The following TPD52L1 variants were observed in gnomAD, a reference collection of about 807,000 sequenced individuals.
TPD52L1 encodes the protein tumor protein D53.
A neutral mutation model predicts 28.7 loss-of-function variants in TPD52L1; 18 were observed. That is an observed-to-expected ratio of 0.63 (90% CI 0.43 to 0.93). The LOEUF (loss-of-function observed/expected upper bound fraction) is 0.93. Ranked by LOEUF, TPD52L1 falls within the 40% of genes least tolerant of loss-of-function variation. The pLI, the probability that TPD52L1 is intolerant of heterozygous loss-of-function variation, is 0.00. For synonymous variants in TPD52L1, 75 were observed against 88.8 expected, an observed-to-expected ratio of 0.84 and a Z score of 0.88; for missense variants, 203 against 254.8, an observed-to-expected ratio of 0.80 and a Z score of 1.39.
intron 1 of TPD52L1, among the ~76,000 whole-genome samples, chr6:125,183,409 G>A (rs1333225123): frequency 6.6e-6 from 1 of 152,182 alleles, no homozygotes; most frequent in Non-Finnish European, 1.5e-5. Flanking sequence ...AACCCAGGAG[G>A]CGGAGGTTGC....
intron 4 of TPD52L1, chr6:125,252,033 T>C (rs987510222): frequency 1.3e-6 from 2 of 1,535,982 alleles, no homozygotes; most frequent in South Asian, 1.2e-5. Flanking sequence ...TCTCACTCCA[T>C]CGGGTAAGCG....
chr6:125,254,047 C>T (rs1167441821), intron 5 of TPD52L1, among the ~76,000 whole-genome samples: 2 of 152,190 alleles, frequency 1.3e-5, no homozygotes, highest in African/African-American at 4.8e-5. Context: ...GTTTGTGAGG[C>T]ATAAACAAAG....
At chr6:125,250,602 C>T (rs1019945443) in intron 4 of TPD52L1, among the ~76,000 whole-genome samples, 6 of 152,180 alleles carry the variant, frequency 3.9e-5, no homozygotes, top group African/African-American at 1.4e-4. Context: ...AACAGGAGCC[C>T]ACTGTATTTC....
intron 3 of TPD52L1, chr6:125,231,297 G>A (rs1795932745): frequency 6.6e-6 from 1 of 152,284 alleles, no homozygotes; most frequent in African/African-American, 2.4e-5. Flanking sequence ...AAGGAGAGAG[G>A]TGCCTGGCAG....
intron 4 of TPD52L1, among the ~76,000 whole-genome samples, chr6:125,250,847 T>C (rs1797223301): frequency 6.6e-6 from 1 of 152,216 alleles, no homozygotes; most frequent in Admixed American, 6.5e-5. Context: ...ACATTTTCAT[T>C]ATAAACTGTG....
chr6:125,158,252 T>A (rs1485153253), intron 1 of TPD52L1, among the ~76,000 whole-genome samples: 1 of 152,196 alleles, frequency 6.6e-6, no homozygotes, highest in African/African-American at 2.4e-5. Context: ...ATAATAACTA[T>A]TTTTTATATC....
chr6:125,228,004 A>G (rs1795715942), intron 2 of TPD52L1, among the ~76,000 whole-genome samples: 1 of 152,228 alleles, frequency 6.6e-6, no homozygotes, highest in South Asian at 2.1e-4. Flanking sequence ...ACTTTGGCAT[A>G]TTCATTCAAT....
At chr6:125,185,913 A>ATTTTTTTTTTT in intron 1 of TPD52L1, among the ~76,000 whole-genome samples, 1 of 47,328 alleles carries the variant, frequency 2.1e-5, no homozygotes. Context: ...TTTTTTTTTG[A>ATTTTTTTTTTT]GACAGAGTCT....
At chr6:125,238,720 A>C (rs771743037) in intron 3 of TPD52L1, among the ~76,000 whole-genome samples, 3 of 152,226 alleles carry the variant, frequency 2.0e-5, no homozygotes, top group Admixed American at 6.5e-5. Flanking sequence ...GTAGGAATAT[A>C]TATTAACTAG....
rs190159473 is a variant in TPD52L1 at position 125,246,121 on chromosome 6, G to A, written c.285-2161G>A. Reference sequence around the variant, plus strand: ...CTAGAGAAACTGGGAGTGCCTATAAGGCTTTTCCCATTGCTGCTACTATTG... The same window carrying A: ...CTAGAGAAACTGGGAGTGCCTATAAAGCTTTTCCCATTGCTGCTACTATTG... On this transcript the variant is annotated intron_variant, in intron 3 of 6. Transcript: ENST00000534000. Among the ~76,000 whole-genome samples the A allele has an allele frequency of 5.8e-3, 887 of 152,280 alleles. 5 individuals carry two copies. The highest frequency in any genetic ancestry group is 0.014 in the Middle Eastern group (4 of 294).
chr6:125,158,657 G>A (rs9321023), intron 1 of TPD52L1, among the ~76,000 whole-genome samples: 8,448 of 152,174 alleles, frequency 0.056, 325 homozygotes, highest in African/African-American at 0.11. Flanking sequence ...TTGCATGGAA[G>A]ATAAATTCTT....
At chr6:125,194,030 T>G (rs925792891) in intron 1 of TPD52L1, among the ~76,000 whole-genome samples, 5 of 151,440 alleles carry the variant, frequency 3.3e-5, no homozygotes, top group African/African-American at 7.3e-5. Context: ...ATAGTTTTTT[T>G]TTTTTTTTTT....
intron 6 of TPD52L1, chr6:125,261,737 G>T (rs756250851): frequency 2.6e-5 from 4 of 151,548 alleles, no homozygotes; most frequent in Non-Finnish European, 4.4e-5. Context: ...GTTTTAATAA[G>T]GAATTTTTCA....
intron 1 of TPD52L1, chr6:125,208,863 G>A: frequency 5.1e-6 from 5 of 981,262 alleles, no homozygotes; most frequent in Middle Eastern, 5.2e-4. Flanking sequence ...TCTGGGTCCT[G>A]AGCCCTCACA....
At chr6:125,187,132 G>T (rs1376732355) in intron 1 of TPD52L1, among the ~76,000 whole-genome samples, 28 of 152,094 alleles carry the variant, frequency 1.8e-4, no homozygotes, top group Admixed American at 1.8e-3. Flanking sequence ...TAGAAAAATA[G>T]GCAGATAATT....
intron 1 of TPD52L1, among the ~76,000 whole-genome samples, chr6:125,172,142 TTC>T (rs1791398000): frequency 2.5e-5 from 2 of 78,794 alleles, no homozygotes; most frequent in Non-Finnish European, 4.6e-5. Flanking sequence ...CTTTCTTTCT[TTC>T]TTTCTTTCTT....
chr6:125,163,289 C>CT (rs1790642365), intron 1 of TPD52L1, among the ~76,000 whole-genome samples: 1 of 152,128 alleles, frequency 6.6e-6, no homozygotes, highest in South Asian at 2.1e-4. Context: ...ATGGCATGCA[C>CT]TTTTTTAAAA....
At chr6:125,166,016 G>T (rs1235025442) in intron 1 of TPD52L1, among the ~76,000 whole-genome samples, 1 of 152,106 alleles carries the variant, frequency 6.6e-6, no homozygotes, top group Non-Finnish European at 1.5e-5. Flanking sequence ...TTGGCTGAAA[G>T]GACTAATTTC....
chr6:125,156,973 AT>A (rs1790183334), intron 1 of TPD52L1, among the ~76,000 whole-genome samples: 1 of 152,194 alleles, frequency 6.6e-6, no homozygotes, highest in Admixed American at 6.5e-5. Context: ...AAGCAGAGAT[AT>A]TGAGTTATTT....
Sources: allele counts gnomAD v4.1 joint callset (sites outside exome capture counted in the v4.1 genomes callset), GRCh38; gene constraint gnomAD v4.1.1; transcripts MANE v1.5; gene names NCBI Gene and HGNC (gene_info 2026-07-23, HGNC 2026-07-21).